Variants in PHKB observed in about 807,000 individuals in gnomAD.
PHKB encodes the protein phosphorylase b kinase regulatory subunit beta.
In PHKB, 122 loss-of-function variants were observed where a neutral mutation model predicts 152.1. The observed-to-expected ratio is 0.80, with a 90% CI of 0.69 to 0.93. PHKB has a LOEUF of 0.93. Ranked by LOEUF, PHKB falls within the 40% of genes least tolerant of loss-of-function variation. PHKB has a pLI of 0.00. For missense variants in PHKB, 1,304 were observed against 1,328.4 expected (o/e 0.98, Z 0.29); for synonymous variants, 436 against 464.9 (o/e 0.94, Z 0.80).
At chr16:47,501,135 C>T (rs943420345) in intron 3 of PHKB, among the ~76,000 whole-genome samples, 1 of 152,086 alleles carries the variant, frequency 6.6e-6, no homozygotes, top group African/African-American at 2.4e-5. Context: ...ATGGTGAAGC[C>T]AATAATGAGA....
chr16:47,583,330 T>A (rs1338050518), intron 8 of PHKB, among the ~76,000 whole-genome samples: 1 of 152,242 alleles, frequency 6.6e-6, no homozygotes, highest in East Asian at 1.9e-4. Context: ...GTGCATGTGA[T>A]CTTTTTAGTG....
chr16:47,660,922 A>G (rs924653124), intron 22 of PHKB, 103 bp downstream of exon 22: 29 of 1,174,242 alleles, frequency 2.5e-5, no homozygotes, highest in African/African-American at 4.5e-5. Context: ...GAAGGTAGCA[A>G]TTAATCTGGA....
At chr16:47,512,464 A>T (rs1291737694) in intron 5 of PHKB, among the ~76,000 whole-genome samples, 1 of 152,238 alleles carries the variant, frequency 6.6e-6, no homozygotes, top group Non-Finnish European at 1.5e-5. Flanking sequence ...GAACTAGGGG[A>T]AAAAAGACAG....
chr16:47,538,838 G>T (rs960881074), intron 6 of PHKB, among the ~76,000 whole-genome samples: 1 of 152,090 alleles, frequency 6.6e-6, no homozygotes, highest in African/African-American at 2.4e-5. Flanking sequence ...AAAGTTTCTG[G>T]TCTACTGATG....
At chr16:47,473,042 GTTTTTT>G (rs970277549) in intron 1 of PHKB, among the ~76,000 whole-genome samples, 2 of 145,226 alleles carry the variant, frequency 1.4e-5, no homozygotes, top group Non-Finnish European at 3.1e-5. Context: ...TAGGATCTGT[GTTTTTT>G]TTTTTGTTTG....
At chr16:47,551,749 G>T (rs1193362562) in intron 7 of PHKB, among the ~76,000 whole-genome samples, 1 of 152,182 alleles carries the variant, frequency 6.6e-6, no homozygotes, top group Non-Finnish European at 1.5e-5. Context: ...CCAGAGCTAA[G>T]TTCAAGTCCT....
intron 14 of PHKB, among the ~76,000 whole-genome samples, chr16:47,621,613 A>C (rs1339407900): frequency 6.6e-6 from 1 of 152,254 alleles, no homozygotes; most frequent in Non-Finnish European, 1.5e-5. Flanking sequence ...CAACTTCACT[A>C]GCTTGGCAAA....
intron 3 of PHKB, among the ~76,000 whole-genome samples, chr16:47,501,341 C>T (rs7185915): frequency 0.12 from 17,598 of 151,980 alleles, 2,222 homozygotes; most frequent in African/African-American, 0.32. Flanking sequence ...GATGGCTAGA[C>T]TAAAAGAGAC....
rs1970297708 is a variant in PHKB at position 47,499,957 on chromosome 16, G to A, written c.305+63G>A. The A allele has an allele frequency of 2.5e-6, 4 of 1,584,290 alleles. No individual in the cohort carries two copies. In the South Asian group the frequency reaches 4.4e-5, roughly 18 times the overall value. ...GGATAATAGGGTTTTGTAGGACCAA[G>A]ACTAATTGAGCCGCTATCTTTTGGC... On this transcript the variant is annotated intron_variant, in intron 3 of 30. Coordinates refer to ENST00000323584, the MANE Select transcript of PHKB (RefSeq NM_000293.3).
intron 1 of PHKB, chr16:47,463,057 G>A (rs1969602526): frequency 6.6e-6 from 1 of 152,614 alleles, no homozygotes; most frequent in Admixed American, 6.5e-5. Flanking sequence ...TATTGGATTG[G>A]TTATGTCTGA....
chr16:47,649,913 A>G (rs1328043618), intron 18 of PHKB, among the ~76,000 whole-genome samples: 2 of 152,148 alleles, frequency 1.3e-5, no homozygotes, highest in South Asian at 2.1e-4. Flanking sequence ...CAGATGACTG[A>G]TTGATTGACA....
At chr16:47,630,815 A>T (rs1972814270) in intron 14 of PHKB, among the ~76,000 whole-genome samples, 1 of 152,224 alleles carries the variant, frequency 6.6e-6, no homozygotes, top group Non-Finnish European at 1.5e-5. Flanking sequence ...CAATCAGCTA[A>T]AAGTCTGAAA....
intron 7 of PHKB, chr16:47,565,534 G>A (rs1339285697): frequency 1.0e-5 from 12 of 1,191,604 alleles, no homozygotes; most frequent in Non-Finnish European, 1.5e-5. Context: ...AGTTTTAGAA[G>A]TTGGAGAGTG....
chr16:47,522,430 T>G (rs1385910626), intron 6 of PHKB, among the ~76,000 whole-genome samples: 1 of 151,988 alleles, frequency 6.6e-6, no homozygotes, highest in Non-Finnish European at 1.5e-5. Flanking sequence ...GTCTTATCCC[T>G]TTTTTTCTTG....
chr16:47,609,464 AGGTT>A (rs1265280128), intron 13 of PHKB, among the ~76,000 whole-genome samples: 2 of 149,458 alleles, frequency 1.3e-5, no homozygotes, highest in Non-Finnish European at 3.0e-5. Context: ...AGTTTGTGAA[AGGTT>A]GGTTTTAATT....
At chr16:47,611,755 T>C (rs930924445) in intron 14 of PHKB, among the ~76,000 whole-genome samples, 12 of 152,330 alleles carry the variant, frequency 7.9e-5, no homozygotes, top group Non-Finnish European at 1.5e-4. Context: ...TCTATTGCAC[T>C]GTTTCTCTGA....
chr16:47,691,781 G>C (rs1974065243), intron 27 of PHKB, among the ~76,000 whole-genome samples: 1 of 151,712 alleles, frequency 6.6e-6, no homozygotes, highest in African/African-American at 2.4e-5. Flanking sequence ...TGACTTTTCT[G>C]TAAGTCTGAA....
Position 47,669,236 on chromosome 16 carries a change from C to T in PHKB, c.2449C>T (p.His817Tyr), listed in dbSNP as rs770859279. The change falls in exon 26 of 31, where the codon CAT becomes TAT. Residue 817 changes from histidine to tyrosine, a missense_variant. Coordinates refer to ENST00000323584, the MANE Select transcript of PHKB (RefSeq NM_000293.3). ...GTAGGTAACTCTGGGTGCCTTTGGG[C>T]ATGAAGAAGAAGTTATCTCTAATCC... ...GKQVTLGAFGHEEEVISNPLS... is the reference protein window; with the variant it reads ...GKQVTLGAFGYEEEVISNPLS... The T allele has an allele frequency of 1.2e-5, 19 of 1,613,644 alleles. No homozygotes were observed. The highest frequency in any genetic ancestry group is 2.2e-5 in the East Asian group (1 of 44,896).
chr16:47,622,167 A>G (rs925896477), intron 14 of PHKB, among the ~76,000 whole-genome samples: 1 of 152,166 alleles, frequency 6.6e-6, no homozygotes, highest in Admixed American at 6.5e-5. Flanking sequence ...TAATGAATCT[A>G]TATTTCTGAC....
Sources: allele counts gnomAD v4.1 joint callset (sites outside exome capture counted in the v4.1 genomes callset), GRCh38; gene constraint gnomAD v4.1.1; transcripts MANE v1.5; gene names NCBI Gene and HGNC (gene_info 2026-07-23, HGNC 2026-07-21).